Variants in TRDN observed in about 807,000 individuals in gnomAD.
The protein encoded by TRDN is triadin.
In TRDN, 161 loss-of-function variants were observed where a neutral mutation model predicts 149.7. The observed-to-expected ratio is 1.08, with a 90% CI of 0.95 to 1.23. TRDN has a LOEUF of 1.23. Ranked by LOEUF, TRDN falls within the 50% of genes most tolerant of loss-of-function variation. The pLI is 0.00. For synonymous variants in TRDN, 294 were observed against 250.5 expected (o/e 1.17, Z -1.64); for missense variants, 896 against 823.5 (o/e 1.09, Z -1.08).
chr6:123,395,418 G>A (rs1255160484), intron 12 of TRDN, among the ~76,000 whole-genome samples: 1 of 152,122 alleles, frequency 6.6e-6, no homozygotes, highest in African/African-American at 2.4e-5. Flanking sequence ...CCTGAGTGCT[G>A]AGTTTTCCCA....
chr6:123,351,016 G>A (rs1353899305), intron 21 of TRDN: 44 of 980,362 alleles, frequency 4.5e-5, no homozygotes, highest in Non-Finnish European at 5.1e-5. Context: ...CAAATCAATT[G>A]TCTGTTTGGT....
chr6:123,521,773 T>C (rs1779694564), intron 5 of TRDN, among the ~76,000 whole-genome samples: 1 of 152,094 alleles, frequency 6.6e-6, no homozygotes, highest in African/African-American at 2.4e-5. Flanking sequence ...CACTAATTCC[T>C]CTGAGGTCCT....
chr6:123,530,427 A>C, intron 5 of TRDN, 79 bp downstream of exon 5: 1 of 871,018 alleles, frequency 1.1e-6, no homozygotes, highest in South Asian at 2.6e-5. Context: ...AAAAACACTA[A>C]ACATGAAATT....
At chr6:123,253,150 A>G (rs1416654593) in intron 37 of TRDN, among the ~76,000 whole-genome samples, 2 of 152,046 alleles carry the variant, frequency 1.3e-5, no homozygotes, top group African/African-American at 4.8e-5. Flanking sequence ...TATTCTAATG[A>G]GAGGTTATTA....
chr6:123,217,568 G>A lies in TRDN; in HGVS notation c.*1033C>T, dbSNP rs955177819. On this transcript the variant is annotated 3_prime_UTR_variant, in exon 41 of 41. Transcript: ENST00000334268. ...TGCACTGTCGAGTAGATTAAAAATT[G>A]TTATCCATGTCATTGGCACTGATGA... 1 of 151,928 alleles carries A rather than the reference G, an allele frequency of 6.6e-6. No individual in the cohort carries two copies. The highest frequency in any genetic ancestry group is 2.4e-5 in the African/African-American group (1 of 41,396). 9.4% of individuals were successfully genotyped at this position (151,928 alleles called of 1,614,324 possible).
chr6:123,381,956 GCTCTCTCTCTCTCT>G (rs55997261), intron 15 of TRDN, among the ~76,000 whole-genome samples, 148 bp downstream of exon 15: 1 of 138,452 alleles, frequency 7.2e-6, no homozygotes, highest in Non-Finnish European at 1.6e-5. Context: ...TAGATTTGGC[GCTCTCTCTCTCTCT>G]CTCTCTCTCT....
chr6:123,294,541 T>C (rs1778125199), intron 24 of TRDN, among the ~76,000 whole-genome samples: 1 of 152,180 alleles, frequency 6.6e-6, no homozygotes, highest in Non-Finnish European at 1.5e-5. Context: ...AGGCATTAGA[T>C]TCTCATAATG....
At position 123,468,127 on chromosome 6, in the gene TRDN, T is replaced by A. The variant is rs186577306; in HGVS notation, c.854-3144A>T. Reference sequence around the variant, plus strand: ...CTAATTTCACAAGAAGATTTGAAGCTGACTTTTGAAGAAAAACAAAAACAA... The same window carrying A: ...CTAATTTCACAAGAAGATTTGAAGCAGACTTTTGAAGAAAAACAAAAACAA... On this transcript the variant is annotated intron_variant, in intron 9 of 40. Transcript: ENST00000334268. 2.3e-3 allele frequency among the ~76,000 whole-genome samples: 356 copies of A among 152,306 alleles called. 1 individual carries two copies. The highest frequency in any genetic ancestry group is 4.0e-3 in the Admixed American group (61 of 15,296).
chr6:123,497,387 AT>A (rs567541311), intron 8 of TRDN, 135 bp from the exon 9 acceptor site: 205 of 535,570 alleles, frequency 3.8e-4, no homozygotes, highest in Admixed American at 2.2e-3. Context: ...TGTAAAAAAA[AT>A]AATTTGCACT....
chr6:123,299,561 A>G (rs1296137546), intron 24 of TRDN, among the ~76,000 whole-genome samples: 2 of 152,024 alleles, frequency 1.3e-5, no homozygotes, highest in East Asian at 3.8e-4. Flanking sequence ...AAAAGGGAAG[A>G]CGTCATACAG....
rs189643316 is a variant in TRDN, at chr6:123,352,098, T to G, written c.1369+441A>C. The G allele has an allele frequency of 5.1e-4, 503 of 981,846 alleles. 5 individuals carry two copies. The African/African-American group carries it at 8.5e-3, about 17-fold the overall frequency. The allele number at this position is 981,846 out of a possible 1,614,324, so 60.8% of individuals were successfully genotyped here. On this transcript the variant is annotated intron_variant, in intron 21 of 40. Transcript: ENST00000334268. ...ATAATATACTCTATTTTTGCTGTTA[T>G]TTTCTTCATTTTAACTTTTACATAT...
intron 23 of TRDN, among the ~76,000 whole-genome samples, chr6:123,317,340 T>C (rs996769174): frequency 1.3e-5 from 2 of 151,920 alleles, no homozygotes; most frequent in African/African-American, 2.4e-5. Flanking sequence ...ACTGACTTCA[T>C]AGTTGGAATA....
At chr6:123,441,470 A>T (rs1222893419) in intron 10 of TRDN, among the ~76,000 whole-genome samples, 1 of 152,202 alleles carries the variant, frequency 6.6e-6, no homozygotes, top group Non-Finnish European at 1.5e-5. Context: ...TCAGAATATT[A>T]CCTTTCCCTG....
chr6:123,271,327 T>C lies in TRDN; in HGVS notation c.1673-141A>G, dbSNP rs139995898. ...CCTCAATAAAACAGCAAAAACATCT[T>C]CTATTCAAATTGGATGAAAGCACAA... On this transcript the variant is annotated intron_variant, in intron 29 of 40. Coordinates refer to ENST00000334268, the MANE Select transcript of TRDN (RefSeq NM_006073.4). 2.5e-3 allele frequency: 1,301 copies of C among 522,812 alleles called. 15 individuals are homozygous for C. The highest frequency in any genetic ancestry group is 0.024 in the African/African-American group (1,221 of 51,932). The allele number at this position is 522,812 out of a possible 1,614,324, so 32.4% of individuals were successfully genotyped here.
intron 11 of TRDN, among the ~76,000 whole-genome samples, chr6:123,438,475 T>A (rs980276969): frequency 6.6e-6 from 1 of 152,142 alleles, no homozygotes; most frequent in African/African-American, 2.4e-5. Flanking sequence ...ACCAGAACCA[T>A]GTCAAAAGTT....
intron 9 of TRDN, among the ~76,000 whole-genome samples, chr6:123,482,757 G>T (rs2057486251): frequency 6.6e-6 from 1 of 152,032 alleles, no homozygotes; most frequent in Non-Finnish European, 1.5e-5. Flanking sequence ...AATTGGAATT[G>T]GAATTGTGCA....
At chr6:123,281,417 G>A (rs1192077088) in intron 24 of TRDN, among the ~76,000 whole-genome samples, 1 of 152,000 alleles carries the variant, frequency 6.6e-6, no homozygotes, top group African/African-American at 2.4e-5. Flanking sequence ...TTCAATAAGA[G>A]GAAAGTCACT....
chr6:123,221,660 T>A (rs1414276209), intron 39 of TRDN, 138 bp from the exon 40 acceptor site: 1 of 441,184 alleles, frequency 2.3e-6, no homozygotes, highest in Admixed American at 4.3e-5. Context: ...ATACTCCAGA[T>A]TTGTACACAG....
chr6:123,437,311 T>A lies in TRDN; in HGVS notation c.1051+752A>T. 1.0e-5 allele frequency: 3 copies of A among 297,612 alleles called. No homozygotes were observed. The South Asian group carries it at 1.0e-4, about 10-fold the overall frequency. The allele number at this position is 297,612 out of a possible 1,614,324, so 18.4% of individuals were successfully genotyped here. A position where few individuals can be genotyped will look rare whatever the true frequency, so the allele number is the denominator to read the frequency against. On this transcript the variant is annotated intron_variant, in intron 12 of 40. Transcript: ENST00000334268. ...CAGCAGCTCCTAATCTCCCTTTTCTTAGAGCATTTACTTCAGAAAACTGGA... is the reference window on the plus strand; with the variant it reads ...CAGCAGCTCCTAATCTCCCTTTTCTAAGAGCATTTACTTCAGAAAACTGGA...
Sources: gnomAD v4.1 joint callset for allele counts (sites outside exome capture counted in the v4.1 genomes callset) on GRCh38, gnomAD v4.1.1 for gene constraint, MANE v1.5 for transcripts, NCBI Gene and HGNC (gene_info 2026-07-23, HGNC 2026-07-21) for gene names.